DPP6: variants seen among roughly 807,000 people sequenced by gnomAD.
DPP6 encodes dipeptidyl peptidase like 6.
Under a neutral mutation model 122.6 loss-of-function variants are expected in DPP6, and 69 were observed. The ratio of observed to expected loss-of-function variants is 0.56; its 90% CI spans 0.46 to 0.69. The LOEUF (loss-of-function observed/expected upper bound fraction) is 0.69, where lower values mean the gene tolerates loss of function less well. Among genes scored for constraint, DPP6 ranks in the 30% least tolerant of loss-of-function variants. The pLI is 0.00. For missense variants in DPP6, 928 were observed against 1,116.9 expected (o/e 0.83, Z 2.41); for synonymous variants, 418 against 433.1 (o/e 0.97, Z 0.43).
At chr7:153,975,226 C>G (rs1796233450) in intron 1 of DPP6, among the ~76,000 whole-genome samples, 1 of 117,244 alleles carries the variant, frequency 8.5e-6, no homozygotes, top group East Asian at 2.4e-4. Context: ...GCAAAAAAAG[C>G]AAGAATTCTT....
intron 1 of DPP6, among the ~76,000 whole-genome samples, chr7:154,330,856 A>C (rs1808866362): frequency 6.6e-6 from 1 of 151,604 alleles, no homozygotes; most frequent in Non-Finnish European, 1.5e-5. Flanking sequence ...TCTCCTCTCC[A>C]CTCCCCGAAG....
At chr7:154,660,107 G>A (rs1837524067) in intron 6 of DPP6, among the ~76,000 whole-genome samples, 2 of 152,240 alleles carry the variant, frequency 1.3e-5, no homozygotes, top group Admixed American at 1.3e-4. Context: ...GCTTATGGAA[G>A]AAGTAAAGGA....
Position 154,553,313 on chromosome 7 carries a change from G to A in DPP6, c.552+12687G>A, listed in dbSNP as rs560478816. On this transcript the variant is annotated intron_variant, in intron 4 of 25. Coordinates refer to ENST00000377770, the MANE Select transcript of DPP6 (RefSeq NM_130797.4). ...TTAAACAATAGTCTATGTTGTCTGG[G>A]GTTTTTCGAGACTTGCTCATGGGTG... 2.6e-5 allele frequency among the ~76,000 whole-genome samples: 4 copies of A among 152,210 alleles called. No homozygotes were observed. In the South Asian group the frequency reaches 8.3e-4, roughly 32 times the overall value.
At chr7:154,443,044 C>T (rs1234894045) in intron 1 of DPP6, among the ~76,000 whole-genome samples, 2 of 152,164 alleles carry the variant, frequency 1.3e-5, no homozygotes, top group East Asian at 3.9e-4. Context: ...ACTCCCTGGC[C>T]CCTTACTGCC....
intron 1 of DPP6, among the ~76,000 whole-genome samples, chr7:154,006,151 G>A (rs1469720697): frequency 6.6e-6 from 1 of 152,168 alleles, no homozygotes; most frequent in Non-Finnish European, 1.5e-5. Context: ...TGGCACATAC[G>A]AGGTAGCAGC....
chr7:154,068,051 C>T (rs557616481), intron 1 of DPP6, among the ~76,000 whole-genome samples: 3 of 151,930 alleles, frequency 2.0e-5, no homozygotes, highest in South Asian at 2.1e-4. Flanking sequence ...CATGAGTCAC[C>T]GTGCCTGGCA....
chr7:153,774,790 C>T, the DPP6 span, among the ~76,000 whole-genome samples: 4 of 152,074 alleles, frequency 2.6e-5, no homozygotes, highest in African/African-American at 7.2e-5. Flanking sequence ...CAGAGCAAGA[C>T]GTCGTTTCTA....
At chr7:154,710,679 C>A (rs148854873) in intron 7 of DPP6, among the ~76,000 whole-genome samples, 9 of 152,374 alleles carry the variant, frequency 5.9e-5, no homozygotes, top group African/African-American at 2.2e-4. Flanking sequence ...CAGCTTTCTG[C>A]TTTCAGCAGG....
At chr7:154,158,845 GGGAA>G (rs1796827855) in intron 1 of DPP6, among the ~76,000 whole-genome samples, 3 of 152,042 alleles carry the variant, frequency 2.0e-5, no homozygotes, top group Admixed American at 2.0e-4. Context: ...CTCTTGCCCA[GGGAA>G]CATAGCTGGG....
the DPP6 span, among the ~76,000 whole-genome samples, chr7:153,853,478 CATT>C: frequency 6.6e-6 from 1 of 152,326 alleles, no homozygotes; most frequent in African/African-American, 2.4e-5. Context: ...TGCCAAGAAA[CATT>C]GTTGTCAACC....
chr7:153,976,677 ATG>A (rs1264055981), intron 1 of DPP6, among the ~76,000 whole-genome samples: 5 of 152,370 alleles, frequency 3.3e-5, no homozygotes, highest in African/African-American at 1.2e-4. Context: ...AAGGAAGAAA[ATG>A]AATATTTTCA....
At chr7:153,806,935 T>C in the DPP6 span, among the ~76,000 whole-genome samples, 504 of 152,090 alleles carry the variant, frequency 3.3e-3, 7 homozygotes, top group African/African-American at 0.011. Context: ...GGATTAGATT[T>C]GCAACTATTA....
chr7:154,670,297 T>C (rs1838477006), intron 7 of DPP6, among the ~76,000 whole-genome samples: 1 of 152,158 alleles, frequency 6.6e-6, no homozygotes, highest in South Asian at 2.1e-4. Context: ...CCTTCTCAAA[T>C]TGGCAAAACT....
At chr7:153,943,788 C>T (rs893501628) in intron 1 of DPP6, among the ~76,000 whole-genome samples, 5 of 152,174 alleles carry the variant, frequency 3.3e-5, no homozygotes, top group African/African-American at 1.2e-4. Context: ...CCTAAGCTAG[C>T]AGTGTTTAAT....
intron 17 of DPP6, among the ~76,000 whole-genome samples, chr7:154,862,116 A>C (rs1584922873): frequency 6.6e-6 from 1 of 152,072 alleles, no homozygotes; most frequent in African/African-American, 2.4e-5. Flanking sequence ...CTCTTACTGA[A>C]CTCAGCCTTG....
At chr7:154,873,883 T>C (rs1217511775) in intron 19 of DPP6, among the ~76,000 whole-genome samples, 12 of 110,330 alleles carry the variant, frequency 1.1e-4, no homozygotes, top group African/African-American at 4.3e-4. Context: ...GGCACACACA[T>C]GCACACACAC....
the DPP6 span, among the ~76,000 whole-genome samples, chr7:153,845,350 A>G: frequency 6.6e-6 from 1 of 152,080 alleles, no homozygotes; most frequent in Non-Finnish European, 1.5e-5. Flanking sequence ...TCATAAATAA[A>G]GCTTATTGTC....
At chr7:154,786,899 C>T (rs533843841) in intron 10 of DPP6, among the ~76,000 whole-genome samples, 3 of 152,268 alleles carry the variant, frequency 2.0e-5, no homozygotes, top group South Asian at 2.1e-4. Flanking sequence ...AGCTCTGAGT[C>T]CCCATGATTC....
At chr7:154,198,683 C>A (rs961492213) in intron 1 of DPP6, among the ~76,000 whole-genome samples, 6 of 152,166 alleles carry the variant, frequency 3.9e-5, no homozygotes, top group Admixed American at 2.0e-4. Flanking sequence ...TAATGAAGGT[C>A]ATGATACACC....
Sources: allele counts gnomAD v4.1 joint callset (sites outside exome capture counted in the v4.1 genomes callset), GRCh38; gene constraint gnomAD v4.1.1; transcripts MANE v1.5; gene names NCBI Gene and HGNC (gene_info 2026-07-23, HGNC 2026-07-21).